Variants in TAOK3 observed in about 807,000 individuals in gnomAD.
TAOK3 encodes the protein serine/threonine-protein kinase TAO3.
TAOK3 carries 40 observed loss-of-function variants against 120.4 expected under a neutral mutation model. The ratio of observed to expected loss-of-function variants is 0.33; its 90% CI spans 0.26 to 0.43. The LOEUF (loss-of-function observed/expected upper bound fraction) is 0.43, where lower values mean the gene tolerates loss of function less well. Ranked by LOEUF, TAOK3 falls within the 20% of genes least tolerant of loss-of-function variation. The probability of loss-of-function intolerance (pLI) is 1.00; values close to 1 mark genes in which losing one functional copy is unlikely to be tolerated. For missense variants in TAOK3, 821 were observed against 1,112.1 expected, an observed-to-expected ratio of 0.74 and a Z score of 3.72; for synonymous variants, 355 against 387.5, an observed-to-expected ratio of 0.92 and a Z score of 0.99.
rs116752963 is a variant in TAOK3, at chr12:118,201,065, T to C, written c.987+231A>G. On this transcript the variant is annotated intron_variant, in intron 12 of 20. Transcript: ENST00000392533. ...TTCACTAATCCCACCAGCAGACTTA[T>C]TTTCTCCCCATGATGGACCCCTGCA... 555 of 365,060 alleles carry C rather than the reference T, an allele frequency of 1.5e-3. 4 individuals carry two copies. Among genetic ancestry groups the C allele is most frequent in the African/African-American group, 9.8e-3 (475 of 48,596 alleles). 22.6% of individuals were successfully genotyped at this position (365,060 alleles called of 1,614,324 possible).
rs1455615453 is a variant in TAOK3, at chr12:118,366,364, AT to A, written c.-194+6283del. Among the ~76,000 whole-genome samples, 20 of 152,364 alleles carry A rather than the reference AT, an allele frequency of 1.3e-4. No homozygotes were observed. The East Asian group carries it at 1.9e-3, about 15-fold the overall frequency. ...CCAAGAATAATTAAGTTATTAATGTATTTAAGAAAGCATTCTGTCTTGATTA... is the reference window on the plus strand; with the variant it reads ...CCAAGAATAATTAAGTTATTAATGTATTAAGAAAGCATTCTGTCTTGATTA... On this transcript the variant is annotated intron_variant, in intron 1 of 20. Coordinates refer to ENST00000392533, the MANE Select transcript of TAOK3 (RefSeq NM_016281.4).
intron 9 of TAOK3, among the ~76,000 whole-genome samples, chr12:118,225,393 T>TAA (rs34791558): frequency 0.013 from 1,788 of 142,022 alleles, 33 homozygotes; most frequent in African/African-American, 0.043. Context: ...GTCTTGCATG[T>TAA]AAAAAAAAAA....
rs201481032 is a variant in TAOK3 at position 118,150,956 on chromosome 12, C to CTTTTTTTT, written c.*33_*40dup. ...CAGGGTCTGAATTTTTTTCTGTTTT[C>CTTTTTTTT]TTTTTTTTTTTTTTTTTTGTAAATG... On this transcript the variant is annotated 3_prime_UTR_variant, in exon 21 of 21. Coordinates refer to ENST00000392533, the MANE Select transcript of TAOK3 (RefSeq NM_016281.4). 201 of 1,255,792 alleles carry CTTTTTTTT rather than the reference C, an allele frequency of 1.6e-4. 1 individual carries two copies. Among genetic ancestry groups the CTTTTTTTT allele is most frequent in the South Asian group, 7.9e-4 (49 of 62,004 alleles). The allele number at this position is 1,255,792 out of a possible 1,614,324, so 77.8% of individuals were successfully genotyped here.
rs1171622716 is a variant in TAOK3, at chr12:118,337,387, T to C, written c.-194+35261A>G. ...TATAAAACCAAACACATAATTACCATACAACGCAGCAGTTGCATTCCTGGG... is the reference window on the plus strand; with the variant it reads ...TATAAAACCAAACACATAATTACCACACAACGCAGCAGTTGCATTCCTGGG... On this transcript the variant is annotated intron_variant, in intron 1 of 20. Transcript: ENST00000392533. Among the ~76,000 whole-genome samples the C allele has an allele frequency of 2.0e-5, 3 of 152,326 alleles. No homozygotes were observed. In the East Asian group the frequency reaches 5.8e-4, roughly 29 times the overall value.
intron 1 of TAOK3, among the ~76,000 whole-genome samples, chr12:118,331,663 A>G: frequency 6.7e-6 from 1 of 150,160 alleles, no homozygotes; most frequent in South Asian, 2.1e-4. Context: ...AAAAAAAAAA[A>G]AAAAAGAATA....
intron 3 of TAOK3, among the ~76,000 whole-genome samples, chr12:118,254,836 C>A (rs984328491): frequency 1.3e-5 from 2 of 152,168 alleles, no homozygotes; most frequent in Non-Finnish European, 2.9e-5. Flanking sequence ...TGGCTCACTG[C>A]AAGCTCCACC....
At chr12:118,256,366 C>T (rs541784407) in intron 2 of TAOK3, among the ~76,000 whole-genome samples, 2 of 152,124 alleles carry the variant, frequency 1.3e-5, no homozygotes, top group Admixed American at 6.5e-5. Flanking sequence ...ACTTAAATAC[C>T]GAGTTACCAT....
At chr12:118,182,013 C>G (rs142308411) in intron 14 of TAOK3, among the ~76,000 whole-genome samples, 4,852 of 152,048 alleles carry the variant, frequency 0.032, 251 homozygotes, top group East Asian at 0.23. Context: ...GGTAAAACCC[C>G]GTCTCTACTA....
At chr12:118,315,702 C>T (rs1174123099) in intron 1 of TAOK3, among the ~76,000 whole-genome samples, 1 of 151,496 alleles carries the variant, frequency 6.6e-6, no homozygotes, top group Non-Finnish European at 1.5e-5. Context: ...AGAAAATAAT[C>T]CTCCTCCCCC....
At chr12:118,338,240 AC>A (rs2044447345) in intron 1 of TAOK3, among the ~76,000 whole-genome samples, 1 of 152,002 alleles carries the variant, frequency 6.6e-6, no homozygotes, top group Non-Finnish European at 1.5e-5. Context: ...CTGAACAGAG[AC>A]CCCACCTTCA....
chr12:118,289,564 A>G (rs1264046982), intron 1 of TAOK3, among the ~76,000 whole-genome samples: 3 of 152,214 alleles, frequency 2.0e-5, no homozygotes, highest in Non-Finnish European at 4.4e-5. Flanking sequence ...AATTTATTTG[A>G]TCTTTCAACA....
At chr12:118,332,218 AAGAC>A (rs776460670) in intron 1 of TAOK3, among the ~76,000 whole-genome samples, 1 of 152,176 alleles carries the variant, frequency 6.6e-6, no homozygotes, top group South Asian at 2.1e-4. Context: ...TTTCTTAAGA[AAGAC>A]AGATAGTCTT....
At chr12:118,315,784 A>T (rs1287352077) in intron 1 of TAOK3, among the ~76,000 whole-genome samples, 1 of 152,216 alleles carries the variant, frequency 6.6e-6, no homozygotes, top group African/African-American at 2.4e-5. Flanking sequence ...CAGTGTTGGG[A>T]AAGAGGGAAT....
At chr12:118,198,312 T>C (rs926377413) in intron 13 of TAOK3, 2 of 152,034 alleles carry the variant, frequency 1.3e-5, no homozygotes, top group Non-Finnish European at 2.9e-5. Flanking sequence ...TGTCACCTCA[T>C]CAGGTAGGCT....
chr12:118,194,419 C>T lies in TAOK3; in HGVS notation c.1195-4478G>A, dbSNP rs570904990. Among the ~76,000 whole-genome samples the T allele has an allele frequency of 2.1e-4, 32 of 152,198 alleles. No individual in the cohort carries two copies. The South Asian group carries it at 6.0e-3, about 29-fold the overall frequency. On this transcript the variant is annotated intron_variant, in intron 13 of 20. Coordinates refer to ENST00000392533, the MANE Select transcript of TAOK3 (RefSeq NM_016281.4). ...ACTAGCAAAAGGCTGAGGAGAAAGA[C>T]GTTACTACAGAGAAGTGTTGTATGA...
chr12:118,269,009 GAAGA>G (rs1566040385), intron 1 of TAOK3, among the ~76,000 whole-genome samples: 1 of 151,758 alleles, frequency 6.6e-6, no homozygotes, highest in South Asian at 2.1e-4. Flanking sequence ...CTCTGTCTCA[GAAGA>G]AAGAAAAGAA....
chr12:118,153,563 G>A (rs1305493320), intron 19 of TAOK3, among the ~76,000 whole-genome samples: 1 of 152,232 alleles, frequency 6.6e-6, no homozygotes, highest in Non-Finnish European at 1.5e-5. Context: ...TCTCAAAGCA[G>A]AGTAGAAGGT....
chr12:118,370,487 A>C (rs1319049894), intron 1 of TAOK3, among the ~76,000 whole-genome samples: 2 of 152,216 alleles, frequency 1.3e-5, no homozygotes, highest in Non-Finnish European at 2.9e-5. Context: ...GCGATATCTA[A>C]ATAACCGACA....
intron 1 of TAOK3, among the ~76,000 whole-genome samples, chr12:118,275,143 T>C (rs2041861388): frequency 6.6e-6 from 1 of 152,166 alleles, no homozygotes; most frequent in Non-Finnish European, 1.5e-5. Context: ...AAAAGTTTCA[T>C]TTTTTAGAGA....
Sources: gnomAD v4.1 joint callset for allele counts (sites outside exome capture counted in the v4.1 genomes callset) on GRCh38, gnomAD v4.1.1 for gene constraint, MANE v1.5 for transcripts, NCBI Gene and HGNC (gene_info 2026-07-23, HGNC 2026-07-21) for gene names.